The following NSUN3 variants were observed in gnomAD, a reference collection of about 807,000 sequenced individuals.
NSUN3 encodes the protein tRNA (cytosine(34)-C(5))-methyltransferase, mitochondrial.
In NSUN3, 24 loss-of-function variants were observed where a neutral mutation model predicts 36.8. The observed-to-expected ratio is 0.65, with a 90% CI of 0.47 to 0.92. The LOEUF (loss-of-function observed/expected upper bound fraction) is 0.92. Among genes scored for constraint, NSUN3 ranks in the 40% least tolerant of loss-of-function variants. NSUN3 has a pLI of 0.00. For synonymous variants in NSUN3, 146 were observed against 145.2 expected, an observed-to-expected ratio of 1.01 and a Z score of -0.04; for missense variants, 381 against 392.8, an observed-to-expected ratio of 0.97 and a Z score of 0.25.
At chr3:94,076,654 A>G (rs540967694) in intron 2 of NSUN3, 11 of 1,063,408 alleles carry the variant, frequency 1.0e-5, no homozygotes, top group South Asian at 1.0e-4. Flanking sequence ...TCTGATGTCC[A>G]TGGAGACGCA....
At position 94,084,234 on chromosome 3, in the gene NSUN3, A is replaced by G. The variant is rs1376848681; in HGVS notation, c.250A>G (p.Asn84Asp). Residue 84 changes from asparagine to aspartate, a missense_variant, in exon 3 of 6, where the codon AAC (asparagine) becomes GAC (aspartate). Coordinates refer to ENST00000314622, the MANE Select transcript of NSUN3 (RefSeq NM_022072.5). ...CACACTCTCTCAGGGATCTTTACCC[A>G]ACTATCCTAAATCAGTGAAGTGTTA... ...YHTLSQGSLPNYPKSVKCYLS... is the reference protein window; with the variant it reads ...YHTLSQGSLPDYPKSVKCYLS... 1 of 1,614,188 alleles carries G rather than the reference A, an allele frequency of 6.2e-7. No homozygotes were observed. The highest frequency in any genetic ancestry group is 1.7e-5 in the Admixed American group (1 of 60,018).
At chr3:94,065,206 A>G (rs900194580) in intron 2 of NSUN3, among the ~76,000 whole-genome samples, 6 of 152,178 alleles carry the variant, frequency 3.9e-5, no homozygotes, top group African/African-American at 1.4e-4. Flanking sequence ...TGTCCAGTTT[A>G]CATGCCGTCT....
chr3:94,102,649 T>A (rs1385068420), intron 5 of NSUN3, among the ~76,000 whole-genome samples: 1 of 152,132 alleles, frequency 6.6e-6, no homozygotes, highest in Non-Finnish European at 1.5e-5. Flanking sequence ...ATGTGCAATT[T>A]GTTTGCAGAA....
At chr3:94,081,810 A>G (rs556995018) in intron 2 of NSUN3, 2 of 152,346 alleles carry the variant, frequency 1.3e-5, no homozygotes, top group Admixed American at 6.5e-5. Context: ...TGCAATAAAG[A>G]TGTGAAATAT....
chr3:94,073,216 G>T (rs2077232887), intron 2 of NSUN3, among the ~76,000 whole-genome samples: 1 of 152,242 alleles, frequency 6.6e-6, no homozygotes, highest in South Asian at 2.1e-4. Context: ...TGGACATTTG[G>T]GTTTGTAACA....
intron 3 of NSUN3, among the ~76,000 whole-genome samples, chr3:94,088,240 A>G (rs528700545): frequency 6.6e-5 from 10 of 152,290 alleles, no homozygotes; most frequent in African/African-American, 2.4e-4. Flanking sequence ...AACACTTTGT[A>G]TGTGCTAAGG....
rs978598458 is a variant in NSUN3, at chr3:94,064,539, A to G, written c.115A>G (p.Thr39Ala). Residue 39 changes from threonine to alanine, a missense_variant, in exon 2 of 6, where the codon ACA becomes GCA. Thr to Ala is a moderately conservative substitution (Grantham distance 58). Transcript: ENST00000314622. Reference protein sequence around the residue: ...YSKELGDAWNTVREILTSPSC... With the variant: ...YSKELGDAWNAVREILTSPSC... ...CAAAGAACTCGGAGATGCCTGGAATACAGTAAGGTTAGTATAATTCATCTC... is the reference window on the plus strand; with the variant it reads ...CAAAGAACTCGGAGATGCCTGGAATGCAGTAAGGTTAGTATAATTCATCTC... 1.9e-6 allele frequency: 3 copies of G among 1,572,742 alleles called. No homozygotes were observed. Among genetic ancestry groups the G allele is most frequent in the Non-Finnish European group, 2.6e-6 (3 of 1,142,590 alleles).
At position 94,099,804 on chromosome 3, in the gene NSUN3, GA is replaced by G. The variant is rs34896138; in HGVS notation, c.743+4662del. Among the ~76,000 whole-genome samples the G allele has an allele frequency of 1.2e-3, 167 of 141,736 alleles. 1 individual carries two copies. Among genetic ancestry groups the G allele is most frequent in the African/African-American group, 2.6e-3 (99 of 37,684 alleles). The allele number at this position is 141,736 out of a possible 152,430, so 93.0% of individuals were successfully genotyped here. On this transcript the variant is annotated intron_variant, in intron 5 of 5. Coordinates refer to ENST00000314622, the MANE Select transcript of NSUN3 (RefSeq NM_022072.5). ...TCTCCTGCCCTTGACTTCAAAAAATGAAAAAAAAAAAAGACTATAGCACTTT... is the reference window on the plus strand; with the variant it reads ...TCTCCTGCCCTTGACTTCAAAAAATGAAAAAAAAAAAGACTATAGCACTTT...
At chr3:94,103,833 G>T (rs1198083628) in intron 5 of NSUN3, among the ~76,000 whole-genome samples, 14 of 152,098 alleles carry the variant, frequency 9.2e-5, no homozygotes, top group Non-Finnish European at 5.9e-5. Flanking sequence ...AAAGTTCCAG[G>T]CAAGAGCCTG....
At chr3:94,086,300 C>T (rs898591826) in intron 3 of NSUN3, among the ~76,000 whole-genome samples, 5 of 152,140 alleles carry the variant, frequency 3.3e-5, no homozygotes, top group South Asian at 2.1e-4. Flanking sequence ...CTGGAGGTTT[C>T]GATACCCTGG....
chr3:94,081,395 G>T (rs2077268183), intron 2 of NSUN3, among the ~76,000 whole-genome samples: 1 of 152,144 alleles, frequency 6.6e-6, no homozygotes, highest in Non-Finnish European at 1.5e-5. Flanking sequence ...CTTTAAATCT[G>T]ATTGGGGCTC....
intron 5 of NSUN3, among the ~76,000 whole-genome samples, chr3:94,125,683 A>G (rs2077482405): frequency 6.6e-6 from 1 of 152,240 alleles, no homozygotes; most frequent in African/African-American, 2.4e-5. Context: ...GCAATCAACC[A>G]GTCTAACTTA....
intron 5 of NSUN3, among the ~76,000 whole-genome samples, chr3:94,119,907 C>T (rs2077454529): frequency 6.6e-6 from 1 of 152,248 alleles, no homozygotes; most frequent in South Asian, 2.1e-4. Context: ...ACAATTTTCT[C>T]ATTTAGAAAT....
intron 2 of NSUN3, chr3:94,077,205 G>A: frequency 1.5e-6 from 1 of 674,140 alleles, no homozygotes; most frequent in Admixed American, 2.2e-5. Flanking sequence ...GAATACTGGA[G>A]TCGGGTGTTG....
At chr3:94,082,266 G>T (rs1014442443) in intron 2 of NSUN3, 2 of 152,142 alleles carry the variant, frequency 1.3e-5, no homozygotes, top group Non-Finnish European at 2.9e-5. Context: ...GTGGTCCTGG[G>T]GATCAGCAGC....
chr3:94,063,652 C>G (rs1203500463), intron 1 of NSUN3, among the ~76,000 whole-genome samples: 1 of 152,168 alleles, frequency 6.6e-6, no homozygotes, highest in African/African-American at 2.4e-5. Flanking sequence ...AGTTCTTGCT[C>G]TGTCACCCAA....
In NSUN3 at chr3:94,068,204, A is replaced by G. The variant is rs921075861; in HGVS notation, c.122+3658A>G. Among the ~76,000 whole-genome samples the G allele has an allele frequency of 3.3e-5, 5 of 152,312 alleles. No homozygotes were observed. The East Asian group carries it at 5.8e-4, about 18-fold the overall frequency. On this transcript the variant is annotated intron_variant, in intron 2 of 5. Transcript: ENST00000314622. ...TTGGGAAGATAAAATGAATTTGTGT[A>G]TATACAATGTGAATGGAATGTTGTT...
intron 5 of NSUN3, among the ~76,000 whole-genome samples, chr3:94,105,588 C>G (rs921928995): frequency 6.6e-6 from 1 of 151,984 alleles, no homozygotes; most frequent in Admixed American, 6.6e-5. Flanking sequence ...TGTAGGGTTT[C>G]TGTGGAATCG....
At chr3:94,075,268 A>G (rs572041103) in intron 2 of NSUN3, among the ~76,000 whole-genome samples, 1 of 151,960 alleles carries the variant, frequency 6.6e-6, no homozygotes, top group Non-Finnish European at 1.5e-5. Flanking sequence ...ACAAACAAAA[A>G]AAAGCCACAC....
Sources: allele counts gnomAD v4.1 joint callset (sites outside exome capture counted in the v4.1 genomes callset), GRCh38; gene constraint gnomAD v4.1.1; transcripts MANE v1.5; gene names NCBI Gene and HGNC (gene_info 2026-07-23, HGNC 2026-07-21).